MDGA2: variants seen among roughly 807,000 people sequenced by gnomAD.
The protein encoded by MDGA2 is MAM domain-containing glycosylphosphatidylinositol anchor protein 2.
A neutral mutation model predicts 117.8 loss-of-function variants in MDGA2; 40 were observed. The observed-to-expected ratio is 0.34, with a 90% CI of 0.26 to 0.44. The LOEUF is 0.44. Ranked by LOEUF, MDGA2 falls within the 20% of genes least tolerant of loss-of-function variation. The pLI is 1.00. For synonymous variants in MDGA2, 452 were observed against 439.0 expected (o/e 1.03, Z -0.37); for missense variants, 1,123 against 1,250.6 (o/e 0.90, Z 1.54).
chr14:47,261,968 A>G (rs1333772058), intron 2 of MDGA2, among the ~76,000 whole-genome samples: 8 of 152,170 alleles, frequency 5.3e-5, no homozygotes, highest in Non-Finnish European at 1.0e-4. Flanking sequence ...CTGTGATGAC[A>G]CTAAATGTTG....
intron 8 of MDGA2, among the ~76,000 whole-genome samples, chr14:46,981,407 G>GA (rs377288941): frequency 2.1e-5 from 3 of 145,556 alleles, no homozygotes; most frequent in Non-Finnish European, 3.0e-5. Flanking sequence ...CCATCTCCAA[G>GA]AAAAAAAAAA....
At chr14:47,327,648 G>A (rs546519453) in intron 1 of MDGA2, among the ~76,000 whole-genome samples, 15 of 152,050 alleles carry the variant, frequency 9.9e-5, no homozygotes, top group Non-Finnish European at 1.6e-4. Context: ...TATTCACATC[G>A]TATAATGCAA....
chr14:47,352,886 T>C (rs1176930738), intron 1 of MDGA2, among the ~76,000 whole-genome samples: 1 of 152,160 alleles, frequency 6.6e-6, no homozygotes, highest in Non-Finnish European at 1.5e-5. Context: ...CTTTTCTTTT[T>C]GGCTTAAAAG....
intron 9 of MDGA2, among the ~76,000 whole-genome samples, chr14:46,955,724 G>A (rs146736989): frequency 1.7e-3 from 255 of 146,506 alleles, no homozygotes; most frequent in Non-Finnish European, 2.9e-3. Flanking sequence ...GTTCAATTCC[G>A]TACATTTCGG....
chr14:46,867,474 A>G (rs1881820526), intron 14 of MDGA2, among the ~76,000 whole-genome samples: 1 of 152,118 alleles, frequency 6.6e-6, no homozygotes, highest in African/African-American at 2.4e-5. Context: ...GCGCACCAGC[A>G]TGGCACATGT....
At chr14:47,290,971 G>T (rs1180837889) in intron 2 of MDGA2, among the ~76,000 whole-genome samples, 2 of 152,124 alleles carry the variant, frequency 1.3e-5, no homozygotes, top group East Asian at 3.9e-4. Context: ...TAACCAAACA[G>T]AGGCTTTTCA....
intron 1 of MDGA2, among the ~76,000 whole-genome samples, chr14:47,457,471 T>C (rs1165368974): frequency 6.6e-6 from 1 of 152,166 alleles, no homozygotes; most frequent in East Asian, 1.9e-4. Context: ...CAAGACGCTA[T>C]GTGGTAAGCC....
Position 47,548,685 on chromosome 14 carries a change from C to T in MDGA2, c.280+125832G>A, listed in dbSNP as rs188728565. Among the ~76,000 whole-genome samples the T allele has an allele frequency of 4.2e-3, 639 of 152,202 alleles. 1 individual carries two copies. Among genetic ancestry groups the T allele is most frequent in the Non-Finnish European group, 7.3e-3 (496 of 68,024 alleles). ...TTCACTTCTTGTTTGTGCAAAGCCT[C>T]GAGATCAGTCAAGGGTGAGAAATTA... On this transcript the variant is annotated intron_variant, in intron 1 of 16. Transcript: ENST00000399232.
intron 1 of MDGA2, among the ~76,000 whole-genome samples, chr14:47,472,236 G>C (rs1489704515): frequency 1.3e-5 from 2 of 152,070 alleles, no homozygotes; most frequent in African/African-American, 4.8e-5. Context: ...GTCATGTGTT[G>C]ATTAATGACA....
At chr14:47,298,933 G>A (rs1012596483) in intron 2 of MDGA2, among the ~76,000 whole-genome samples, 5 of 151,868 alleles carry the variant, frequency 3.3e-5, no homozygotes, top group African/African-American at 9.7e-5. Context: ...TGATCCGCCC[G>A]CCTTGGCCTC....
intron 1 of MDGA2, among the ~76,000 whole-genome samples, chr14:47,504,429 T>G (rs1566488808): frequency 6.6e-6 from 1 of 152,172 alleles, no homozygotes; most frequent in Admixed American, 6.5e-5. Context: ...TTCTTCTCCA[T>G]CACATTATAG....
intron 14 of MDGA2, chr14:46,871,640 G>A (rs1021716015): frequency 6.5e-6 from 1 of 154,152 alleles, no homozygotes. Flanking sequence ...AAGATTATGA[G>A]TGTCTGCCAT....
chr14:46,876,085 C>T (rs914001985), intron 12 of MDGA2, among the ~76,000 whole-genome samples: 11 of 151,482 alleles, frequency 7.3e-5, no homozygotes, highest in Admixed American at 2.0e-4. Context: ...AATTTTTCAT[C>T]GTTTAGGTTA....
chr14:47,545,504 A>C (rs1895445260), intron 1 of MDGA2, among the ~76,000 whole-genome samples: 1 of 152,218 alleles, frequency 6.6e-6, no homozygotes, highest in South Asian at 2.1e-4. Flanking sequence ...TTTGATATAC[A>C]TTATAAAGAA....
At chr14:47,483,355 G>A (rs1353184351) in intron 1 of MDGA2, among the ~76,000 whole-genome samples, 1 of 152,050 alleles carries the variant, frequency 6.6e-6, no homozygotes. Context: ...ACTTTGATGA[G>A]CAAGAGCCTG....
At chr14:47,165,015 G>A (rs557276919) in intron 3 of MDGA2, among the ~76,000 whole-genome samples, 10 of 151,988 alleles carry the variant, frequency 6.6e-5, no homozygotes, top group East Asian at 1.9e-4. Flanking sequence ...AAAACCAAAC[G>A]CCACATGTTC....
intron 2 of MDGA2, among the ~76,000 whole-genome samples, chr14:47,289,304 T>TC (rs371679217): frequency 7.1e-6 from 1 of 140,512 alleles, no homozygotes; most frequent in Non-Finnish European, 1.5e-5. Flanking sequence ...TTTCTGGACT[T>TC]ACACACACAC....
chr14:47,362,842 T>C (rs905674592), intron 1 of MDGA2, among the ~76,000 whole-genome samples: 1 of 152,192 alleles, frequency 6.6e-6, no homozygotes, highest in Non-Finnish European at 1.5e-5. Flanking sequence ...AACAAATGCA[T>C]CAAAAACTAC....
intron 5 of MDGA2, among the ~76,000 whole-genome samples, chr14:47,106,532 C>A (rs192828821): frequency 2.7e-5 from 4 of 150,868 alleles, no homozygotes; most frequent in African/African-American, 9.8e-5. Flanking sequence ...CCCATCTGTG[C>A]GGGACCCCAC....
Sources: gnomAD v4.1 joint callset for allele counts (sites outside exome capture counted in the v4.1 genomes callset) on GRCh38, gnomAD v4.1.1 for gene constraint, MANE v1.5 for transcripts, NCBI Gene and HGNC (gene_info 2026-07-23, HGNC 2026-07-21) for gene names.